Variants in HNRNPA1 observed in about 807,000 individuals in gnomAD.
The protein encoded by HNRNPA1 is epididymis secretory sperm binding protein.
HNRNPA1 carries 7 observed loss-of-function variants against 44.4 expected under a neutral mutation model. The ratio of observed to expected loss-of-function variants is 0.16; its 90% CI spans 0.09 to 0.30. The LOEUF (loss-of-function observed/expected upper bound fraction) is 0.30, where lower values mean the gene tolerates loss of function less well. Among genes scored for constraint, HNRNPA1 ranks in the 10% least tolerant of loss-of-function variants. The probability of loss-of-function intolerance (pLI) is 1.00; values close to 1 mark genes in which losing one functional copy is unlikely to be tolerated. For missense variants in HNRNPA1, 193 were observed against 465.8 expected, an observed-to-expected ratio of 0.41 and a Z score of 5.39; for synonymous variants, 169 against 160.6, an observed-to-expected ratio of 1.05 and a Z score of -0.40.
chr12:54,284,115 A>G, intron 9 of HNRNPA1, 143 bp from the exon 10 acceptor site: 1 of 1,278,552 alleles, frequency 7.8e-7, no homozygotes, highest in Non-Finnish European at 1.1e-6. Flanking sequence ...AAATTAGAAA[A>G]ATCATGGGAC....
At chr12:54,281,756 G>A (rs772405866) in intron 2 of HNRNPA1, 39 bp from the exon 3 acceptor site, 3 of 1,582,636 alleles carry the variant, frequency 1.9e-6, no homozygotes, top group East Asian at 2.2e-5. Flanking sequence ...AAGCTTTTGC[G>A]GTCAGACTTT....
intron 8 of HNRNPA1, 24 bp downstream of exon 8, chr12:54,283,258 C>T (rs773388002): frequency 1.9e-6 from 3 of 1,608,474 alleles, no homozygotes; most frequent in Non-Finnish European, 1.7e-6. Context: ...GATCCAAGTA[C>T]TTGGTGTGAC....
intron 3 of HNRNPA1, 73 bp downstream of exon 3, chr12:54,282,014 G>A (rs989010302): frequency 4.4e-6 from 7 of 1,601,300 alleles, no homozygotes; most frequent in Non-Finnish European, 6.0e-6. Flanking sequence ...AGATTCGGGA[G>A]TTTTCTAAAC....
intron 3 of HNRNPA1, 46 bp downstream of exon 3, chr12:54,281,987 G>T: frequency 6.2e-7 from 1 of 1,607,854 alleles, no homozygotes; most frequent in African/African-American, 1.3e-5. Context: ...ACTTGGATAT[G>T]TGCTGCTATG....
Position 54,286,464 on chromosome 12 carries a change from A to G in HNRNPA1, c.*1920A>G, listed in dbSNP as rs1565883058. On this transcript the variant is annotated 3_prime_UTR_variant, in exon 11 of 11. Coordinates refer to ENST00000340913, the MANE Select transcript of HNRNPA1 (RefSeq NM_031157.4). ...GCTCCCAGTTGAAGGAAGTGAGCAC[A>G]TTATTTGTACTGTGAATATAAATTT... 1.3e-5 allele frequency: 2 copies of G among 152,140 alleles called. No individual in the cohort carries two copies. The highest frequency in any genetic ancestry group is 2.4e-5 in the African/African-American group (1 of 41,420). 9.4% of individuals were successfully genotyped at this position (152,140 alleles called of 1,614,324 possible).
Position 54,281,887 on chromosome 12 carries a change from G to A in HNRNPA1, c.225G>A (p.Arg75=), listed in dbSNP as rs756706674. The A allele has an allele frequency of 6.2e-6, 10 of 1,613,632 alleles. No individual in the cohort carries two copies. In the South Asian group the frequency reaches 9.9e-5, roughly 16 times the overall value. Residue 75 remains arginine, a synonymous_variant, in exon 3 of 11, where the codon AGG becomes AGA. Transcript: ENST00000340913. ...VEEVDAAMNA[R]PHKVDGRVVE... Reference sequence around the variant, plus strand: ...AGGTGGATGCAGCTATGAATGCAAGGCCACACAAGGTGGATGGAAGAGTTG... The same window carrying A: ...AGGTGGATGCAGCTATGAATGCAAGACCACACAAGGTGGATGGAAGAGTTG...
In HNRNPA1 at chr12:54,283,821, T is replaced by C; in HGVS notation, c.917T>C (p.Phe306Ser). Residue 306 changes from phenylalanine (F) to serine (S), a missense_variant, in exon 9 of 11, where the codon TTT (phenylalanine) becomes TCT (serine). Physicochemically the swap from Phe to Ser is radical, Grantham distance 155. Transcript: ENST00000340913. ...GGFGGGSGSN[F>S]GGGGSYNDFG... The stretch of plus-strand genomic sequence containing the variant: ...TCTTTCCCATTCATAGGAAGCAATT[T>C]TGGAGGTGGTGGAAGCTACAATGAT... 6.2e-7 allele frequency: 1 copy of C among 1,613,954 alleles called. No individual in the cohort carries two copies. Among genetic ancestry groups the C allele is most frequent in the Non-Finnish European group, 8.5e-7 (1 of 1,179,884 alleles).
chr12:54,282,397 A>G lies in HNRNPA1; in HGVS notation c.494A>G (p.Gln165Arg), dbSNP rs1263451865. The G allele has an allele frequency of 6.2e-7, 1 of 1,613,266 alleles. No homozygotes were observed. The highest frequency in any genetic ancestry group is 1.3e-5 in the African/African-American group (1 of 74,858). ...TGTATCTATGTTTTTTTTTTAGTTC[A>G]GAAATACCATACTGTGAATGGCCAC... is the stretch of plus-strand genomic sequence containing the variant. ...DHDSVDKIVI[Q>R]KYHTVNGHNC... The change falls in exon 5 of 11, where the codon CAG (glutamine) becomes CGG (arginine). Residue 165 changes from glutamine (Q) to arginine (R), a missense_variant. Gln to Arg is a conservative substitution (Grantham distance 43). Coordinates refer to ENST00000340913, the MANE Select transcript of HNRNPA1 (RefSeq NM_031157.4).
intron 1 of HNRNPA1, 149 bp from the exon 2 acceptor site, chr12:54,281,237 C>T (rs978652568): frequency 1.4e-5 from 10 of 720,242 alleles, no homozygotes; most frequent in East Asian, 4.9e-5. Flanking sequence ...AGCATACGGC[C>T]TCCCTTGATA....
At position 54,280,825 on chromosome 12, in the gene HNRNPA1, G is replaced by A. The variant is rs1185782342; in HGVS notation, c.15+3G>A. The A allele has an allele frequency of 6.2e-7, 1 of 1,614,178 alleles. No individual in the cohort carries two copies. Among genetic ancestry groups the A allele is most frequent in the African/African-American group, 1.3e-5 (1 of 75,056 alleles). On this transcript the variant is annotated splice_donor_region_variant and intron_variant, in intron 1 of 10. Coordinates refer to ENST00000340913, the MANE Select transcript of HNRNPA1 (RefSeq NM_031157.4). ...CTGCCGTCATGTCTAAGTCAGAGGT[G>A]AGTTAGGCGCGCTTTCCCACTTGAA... is the stretch of plus-strand genomic sequence containing the variant.
intron 8 of HNRNPA1, 110 bp downstream of exon 8, chr12:54,283,344 A>T (rs1020871317): frequency 8.0e-7 from 1 of 1,254,794 alleles, no homozygotes; most frequent in Non-Finnish European, 1.1e-6. Flanking sequence ...GTATATTAAA[A>T]ACAAATGGGC....
chr12:54,280,744 G>T lies in HNRNPA1; in HGVS notation c.-64G>T. The stretch of plus-strand genomic sequence containing the variant: ...GGCTGGCAGATACGTTCGTCAGCTT[G>T]CTCCTTTCTGCCCGTGGACGCCGCC... On this transcript the variant is annotated 5_prime_UTR_variant, in exon 1 of 11. Transcript: ENST00000340913. 12 of 1,597,720 alleles carry T rather than the reference G, an allele frequency of 7.5e-6. No homozygotes were observed. The highest frequency in any genetic ancestry group is 3.3e-5 in the Admixed American group (2 of 60,002).
intron 1 of HNRNPA1, chr12:54,281,171 C>A (rs1031269505): frequency 1.4e-6 from 1 of 696,934 alleles, no homozygotes; most frequent in Non-Finnish European, 2.6e-6. Flanking sequence ...GTTGCGCGTG[C>A]GTCGGAAGGC....
At chr12:54,280,910 G>A (rs924483372) in intron 1 of HNRNPA1, 88 bp downstream of exon 1, 11 of 1,434,336 alleles carry the variant, frequency 7.7e-6, no homozygotes, top group Non-Finnish European at 9.8e-7. Flanking sequence ...CCTTGCACCA[G>A]CCCATTCTAC....
chr12:54,281,430 G>A lies in HNRNPA1; in HGVS notation c.60G>A (p.Gly20=). The A allele has an allele frequency of 6.2e-7, 1 of 1,611,610 alleles. No homozygotes were observed. The highest frequency in any genetic ancestry group is 1.3e-5 in the African/African-American group (1 of 74,902). ...AGCTGAGGAAGCTCTTCATTGGAGGGTTGAGCTTTGAAACAACTGATGAGA... is the reference window on the plus strand; with the variant it reads ...AGCTGAGGAAGCTCTTCATTGGAGGATTGAGCTTTGAAACAACTGATGAGA... ...PEQLRKLFIG[G]LSFETTDESL... is the part of the protein sequence containing the mutation. Residue 20 remains glycine, a synonymous_variant, in exon 2 of 11, where the codon GGG becomes GGA. Transcript: ENST00000340913.
chr12:54,281,978 C>A, intron 3 of HNRNPA1, 37 bp downstream of exon 3: 1 of 1,610,444 alleles, frequency 6.2e-7, no homozygotes, highest in Non-Finnish European at 8.5e-7. Context: ...CTTAAACTTA[C>A]TTGGATATGT....
chr12:54,283,619 C>T (rs760809367), intron 8 of HNRNPA1, 193 bp from the exon 9 acceptor site: 8 of 632,504 alleles, frequency 1.3e-5, no homozygotes, highest in East Asian at 2.7e-5. Flanking sequence ...TGAGTTAGGC[C>T]AGTTTTCTTT....
At chr12:54,281,174 CGGAAGGCGACTAG>C (rs1192007394) in intron 1 of HNRNPA1, 199 bp from the exon 2 acceptor site, 3 of 698,428 alleles carry the variant, frequency 4.3e-6, no homozygotes, top group Non-Finnish European at 7.9e-6. Flanking sequence ...GCGCGTGCGT[CGGAAGGCGACTAG>C]GGACGCATGC....
chr12:54,284,378 C>T (rs371452672), intron 10 of HNRNPA1, 61 bp downstream of exon 10: 129 of 1,374,438 alleles, frequency 9.4e-5, no homozygotes, highest in Non-Finnish European at 1.2e-4. Flanking sequence ...AACCCAATAA[C>T]CCTAATGTAG....
Sources: gnomAD v4.1 joint callset for allele counts on GRCh38, gnomAD v4.1.1 for gene constraint, MANE v1.5 for transcripts, NCBI Gene and HGNC (gene_info 2026-07-23, HGNC 2026-07-21) for gene names.